Variants in CD8B2 observed in about 807,000 individuals in gnomAD.
The protein encoded by CD8B2 is T-cell surface glycoprotein CD8 beta-2 chain.
Under a neutral mutation model 23.7 loss-of-function variants are expected in CD8B2, and 11 were observed. The observed-to-expected ratio is 0.46, with a 90% confidence interval of 0.29 to 0.77. CD8B2 has a LOEUF of 0.77. Ranked by LOEUF, CD8B2 falls within the 30% of genes least tolerant of loss-of-function variation. The probability of loss-of-function intolerance (pLI) is 0.09; values close to 1 mark genes in which losing one functional copy is unlikely to be tolerated. For missense variants in CD8B2, 197 were observed against 270.5 expected (o/e 0.73, Z 1.91); for synonymous variants, 90 against 109.3 (o/e 0.82, Z 1.10).
chr2:106,523,411 T>C (rs1468839541), intron 5 of CD8B2, among the ~76,000 whole-genome samples: 1 of 152,148 alleles, frequency 6.6e-6, no homozygotes, highest in Non-Finnish European at 1.5e-5. Flanking sequence ...CTACTGTCAC[T>C]TGTGTTTTGG....
chr2:106,521,901 CA>C (rs1679830984), intron 5 of CD8B2: 2 of 152,416 alleles, frequency 1.3e-5, no homozygotes, highest in South Asian at 4.2e-4. Flanking sequence ...GTGTCTGGGC[CA>C]ACCATGGAGT....
In CD8B2 at chr2:106,540,535, A is replaced by G. The variant is rs1006551759; in HGVS notation, c.621-3457A>G. 3.3e-5 allele frequency among the ~76,000 whole-genome samples: 5 copies of G among 152,184 alleles called. No homozygotes were observed. The South Asian group carries it at 1.0e-3, about 31-fold the overall frequency. On this transcript the variant is annotated intron_variant, in intron 5 of 5. Transcript: ENST00000416057. ...AGGACTTTCACAGTCTTGAGGGGGA[A>G]AAAGTAAATCAAGCAAATAATCATC...
At position 106,506,936 on chromosome 2, in the gene CD8B2, A is replaced by G. The variant is rs1573337377; in HGVS notation, c.629A>G (p.Lys210Arg). 5 of 1,599,894 alleles carry G rather than the reference A, an allele frequency of 3.1e-6. No individual in the cohort carries two copies. Among genetic ancestry groups the G allele is most frequent in the East Asian group, 4.5e-5 (2 of 44,768 alleles). The change falls in exon 6 of 6, where the codon AAA becomes AGA. Residue 210 changes from lysine (K) to arginine (R), a missense_variant. Around this residue, in one of 3 missense-constraint regions of CD8B2, gnomAD observed 22 missense variants for 23.4 expected, o/e 0.94. Transcript: ENST00000643224. ...CTTGCTGTTGTTTTCAGATTTTACA[A>G]ATGAGCAGAGAATACGGTTTTGGTG... ...ARLRFMKQFY[K>R]
At chr2:106,491,724 T>A (rs1350006828) in intron 2 of CD8B2, among the ~76,000 whole-genome samples, 1 of 152,100 alleles carries the variant, frequency 6.6e-6, no homozygotes, top group Non-Finnish European at 1.5e-5. Context: ...ATTTTTTGTA[T>A]TTTTAGTGGA....
At chr2:106,490,798 T>G in intron 1 of CD8B2, 76 bp from the exon 2 acceptor site, 2 of 1,531,264 alleles carry the variant, frequency 1.3e-6, no homozygotes, top group African/African-American at 1.4e-5. Flanking sequence ...CTTTGACACT[T>G]GACTCAGTGT....
At chr2:106,534,965 G>T (rs1274273257) in intron 5 of CD8B2, among the ~76,000 whole-genome samples, 4 of 152,072 alleles carry the variant, frequency 2.6e-5, no homozygotes, top group Non-Finnish European at 5.9e-5. Context: ...GGGATTACAG[G>T]CATGTGCCAC....
At chr2:106,515,829 C>CT (rs5833191), downstream of CD8B2, among the ~76,000 whole-genome samples, 136 of 149,274 alleles carry the variant, frequency 9.1e-4, no homozygotes, top group African/African-American at 1.8e-3. Context: ...TTAGACTCCT[C>CT]TTTTTTTTTT....
intron 5 of CD8B2, among the ~76,000 whole-genome samples, chr2:106,538,771 C>T (rs114101642): frequency 0.011 from 1,611 of 152,170 alleles, 17 homozygotes; most frequent in Middle Eastern, 0.02. Context: ...GCTTGGACCC[C>T]TCCCTCTTCA....
At chr2:106,500,343 A>G (rs1437310037) in intron 3 of CD8B2, among the ~76,000 whole-genome samples, 1 of 132,504 alleles carries the variant, frequency 7.5e-6, no homozygotes, top group Non-Finnish European at 1.6e-5. Context: ...ACATGGTGAA[A>G]ACCCATCTCT....
chr2:106,487,726 G>A (rs1041909594), intron 1 of CD8B2, among the ~76,000 whole-genome samples: 2 of 152,192 alleles, frequency 1.3e-5, no homozygotes, highest in Non-Finnish European at 2.9e-5. Flanking sequence ...AGGAGAAGGG[G>A]AGGCAGTGAA....
intron 2 of CD8B2, among the ~76,000 whole-genome samples, 182 bp from the exon 3 acceptor site, chr2:106,495,991 G>A (rs1679292263): frequency 6.6e-6 from 1 of 151,920 alleles, no homozygotes; most frequent in Admixed American, 6.6e-5. Flanking sequence ...TAGAGAGGGG[G>A]TTTCACCATG....
In CD8B2 at chr2:106,508,077, G is replaced by GAGAGTGA. The variant is rs1679547943; in HGVS notation, c.*1142_*1148dup. 1 of 149,240 alleles carries GAGAGTGA rather than the reference G, an allele frequency of 6.7e-6. No individual in the cohort carries two copies. Among genetic ancestry groups the GAGAGTGA allele is most frequent in the Non-Finnish European group, 1.5e-5 (1 of 67,416 alleles). The allele number at this position is 149,240 out of a possible 1,614,324, so 9.2% of individuals were successfully genotyped here. A position where few individuals can be genotyped will look rare whatever the true frequency, so the allele number is the denominator to read the frequency against. On this transcript the variant is annotated 3_prime_UTR_variant, in exon 6 of 6. Coordinates refer to ENST00000643224, the MANE Select transcript of CD8B2 (RefSeq NM_001349727.2). Reference sequence around the variant, plus strand: ...AAGGAGAAAGTGCTGAGCAGGAGTGGAGAGTGAAGAGCAGGACCTCGTGCC... The same window carrying GAGAGTGA: ...AAGGAGAAAGTGCTGAGCAGGAGTGGAGAGTGAAGAGTGAAGAGCAGGACCTCGTGCC...
intron 2 of CD8B2, among the ~76,000 whole-genome samples, chr2:106,491,541 T>TTTTA (rs939985696): frequency 6.6e-5 from 10 of 152,086 alleles, no homozygotes; most frequent in African/African-American, 2.2e-4. Context: ...TGCTTCTCTT[T>TTTTA]TTTATTTATT....
At chr2:106,490,217 AG>A (rs1442195023) in intron 1 of CD8B2, among the ~76,000 whole-genome samples, 1 of 152,050 alleles carries the variant, frequency 6.6e-6, no homozygotes, top group African/African-American at 2.4e-5. Context: ...CTGTACATCC[AG>A]TGGCAGCCAG....
chr2:106,487,550 C>G (rs1679100799), intron 1 of CD8B2, 81 bp downstream of exon 1: 1 of 860,942 alleles, frequency 1.2e-6, no homozygotes, highest in Non-Finnish European at 1.5e-6. Flanking sequence ...TGTCCTGGCC[C>G]TGGTCCTGGC....
At chr2:106,532,428 T>A (rs1680000786) in intron 5 of CD8B2, among the ~76,000 whole-genome samples, 1 of 152,214 alleles carries the variant, frequency 6.6e-6, no homozygotes, top group Non-Finnish European at 1.5e-5. Context: ...AAGAGAGGAC[T>A]TTTGGATCTT....
intron 3 of CD8B2, 62 bp from the exon 4 acceptor site, chr2:106,502,412 T>C: frequency 1.0e-6 from 1 of 990,308 alleles, no homozygotes; most frequent in Non-Finnish European, 1.5e-6. Context: ...CTTGTATTTT[T>C]CTGCGTGTCT....
chr2:106,493,078 C>T (rs1298162166), intron 2 of CD8B2, among the ~76,000 whole-genome samples: 6 of 152,096 alleles, frequency 3.9e-5, no homozygotes, highest in African/African-American at 1.4e-4. Context: ...TTCCAAACCC[C>T]AAACCCCTCC....
intron 5 of CD8B2, among the ~76,000 whole-genome samples, chr2:106,532,483 CA>C (rs1680002098): frequency 6.6e-6 from 1 of 152,210 alleles, no homozygotes; most frequent in African/African-American, 2.4e-5. Flanking sequence ...AAAGTGAAAG[CA>C]AGCTTATTAA....
Sources: allele counts gnomAD v4.1 joint callset (sites outside exome capture counted in the v4.1 genomes callset), GRCh38; gene constraint gnomAD v4.1.1; regional missense constraint gnomAD v4.1.1; transcripts MANE v1.5; gene names NCBI Gene and HGNC (gene_info 2026-07-23, HGNC 2026-07-21).